Variants in MYCBP2 observed in about 807,000 individuals in gnomAD.
MYCBP2 encodes the protein MYC binding protein 2.
Under a neutral mutation model 525.3 loss-of-function variants are expected in MYCBP2, and 120 were observed. The observed-to-expected ratio is 0.23, with a 90% CI of 0.20 to 0.27. The LOEUF is 0.27. Ranked by LOEUF, MYCBP2 falls within the 10% of genes least tolerant of loss-of-function variation. The pLI is 1.00. For synonymous variants in MYCBP2, 1,894 were observed against 1,955.8 expected, an observed-to-expected ratio of 0.97 and a Z score of 0.83; for missense variants, 4,149 against 5,657.1, an observed-to-expected ratio of 0.73 and a Z score of 8.55.
intron 17 of MYCBP2, among the ~76,000 whole-genome samples, chr13:77,241,440 C>A (rs899329925): frequency 1.3e-5 from 2 of 151,916 alleles, no homozygotes; most frequent in Non-Finnish European, 1.5e-5. Flanking sequence ...TGTCGCTCAA[C>A]CTAATATTTC....
chr13:77,275,179 T>C (rs983223325), intron 4 of MYCBP2, among the ~76,000 whole-genome samples: 2 of 149,520 alleles, frequency 1.3e-5, no homozygotes, highest in Non-Finnish European at 2.9e-5. Flanking sequence ...GGAAAGAAAA[T>C]AGTCAATAGT....
At chr13:77,320,643 T>C (rs2081478271) in intron 1 of MYCBP2, among the ~76,000 whole-genome samples, 1 of 152,026 alleles carries the variant, frequency 6.6e-6, no homozygotes, top group Non-Finnish European at 1.5e-5. Flanking sequence ...AAAGCATACA[T>C]TTACAGAGAT....
intron 1 of MYCBP2, among the ~76,000 whole-genome samples, chr13:77,315,224 T>C (rs891094062): frequency 4.6e-5 from 7 of 152,058 alleles, no homozygotes; most frequent in African/African-American, 1.4e-4. Flanking sequence ...CAAGAAGAAA[T>C]AACAACAATC....
chr13:77,276,979 A>G (rs1404917303), intron 4 of MYCBP2, among the ~76,000 whole-genome samples: 3 of 152,022 alleles, frequency 2.0e-5, no homozygotes, highest in Admixed American at 2.0e-4. Context: ...TTTTGATGGA[A>G]GATAAGACTA....
chr13:77,076,889 C>T (rs2042399114), intron 67 of MYCBP2, 40 bp from the exon 68 acceptor site: 5 of 1,456,890 alleles, frequency 3.4e-6, no homozygotes, highest in Non-Finnish European at 4.8e-6. Flanking sequence ...TAATGACAGG[C>T]ATTAACACTA....
chr13:77,061,196 C>T lies in MYCBP2; in HGVS notation c.13009G>A (p.Ala4337Thr). Reference sequence around the variant, plus strand: ...GTGTGTTCTCGGAATTCCACCATTGCCTTCATTGTTTTAGAATCTGCCAGT... The same window carrying T: ...GTGTGTTCTCGGAATTCCACCATTGTCTTCATTGTTTTAGAATCTGCCAGT... Reference protein sequence around the residue: ...MALADSKTMKAMVEFREHTGK... With the variant: ...MALADSKTMKTMVEFREHTGK... The change falls in exon 76 of 83, where the codon GCA (alanine) becomes ACA (threonine). Residue 4337 changes from alanine to threonine, a missense_variant. Physicochemically the swap from Ala to Thr is moderately conservative, Grantham distance 58. Around this residue, in one of 21 missense-constraint regions of MYCBP2, gnomAD observed 220 missense variants for 396.0 expected, o/e 0.56. Coordinates refer to ENST00000544440, the MANE Select transcript of MYCBP2 (RefSeq NM_015057.5). 6.2e-7 allele frequency: 1 copy of T among 1,608,324 alleles called. No individual in the cohort carries two copies. Among genetic ancestry groups the T allele is most frequent in the South Asian group, 1.1e-5 (1 of 90,026 alleles).
intron 15 of MYCBP2, among the ~76,000 whole-genome samples, chr13:77,246,530 AAGAAGG>A (rs1236762796): frequency 2.7e-5 from 4 of 150,518 alleles, no homozygotes; most frequent in Non-Finnish European, 5.9e-5. Flanking sequence ...GAAGGAGGAA[AAGAAGG>A]AGAAGGAGGA....
In MYCBP2 at chr13:77,275,970, C is replaced by T. The variant is rs566775179; in HGVS notation, c.749-2302G>A. Among the ~76,000 whole-genome samples, 37 of 152,250 alleles carry T rather than the reference C, an allele frequency of 2.4e-4. No homozygotes were observed. The Middle Eastern group carries it at 0.02, about 84-fold the overall frequency. ...CTGCATTCCAGCCTGGGCAACAGAG[C>T]GAGACTCCGTCTCAAAAAACAAAAA... is the stretch of plus-strand genomic sequence containing the variant. On this transcript the variant is annotated intron_variant, in intron 4 of 82. Coordinates refer to ENST00000544440, the MANE Select transcript of MYCBP2 (RefSeq NM_015057.5).
chr13:77,049,525 T>C (rs918731657), intron 82 of MYCBP2, among the ~76,000 whole-genome samples: 9 of 152,340 alleles, frequency 5.9e-5, no homozygotes, highest in African/African-American at 2.2e-4. Context: ...AGTTAATCAA[T>C]AGTATTAGTT....
At chr13:77,148,034 T>G (rs1277504632) in intron 47 of MYCBP2, among the ~76,000 whole-genome samples, 1 of 151,900 alleles carries the variant, frequency 6.6e-6, no homozygotes, top group Non-Finnish European at 1.5e-5. Flanking sequence ...AGCATGTTCA[T>G]AGGAAACTAA....
chr13:77,315,083 A>AAC, intron 1 of MYCBP2, among the ~76,000 whole-genome samples: 1 of 152,342 alleles, frequency 6.6e-6, no homozygotes, highest in East Asian at 1.9e-4. Context: ...ACAAGTTACC[A>AAC]AAATTGACAT....
intron 40 of MYCBP2, among the ~76,000 whole-genome samples, chr13:77,166,909 CTTACT>C (rs1326733477): frequency 6.6e-6 from 1 of 151,130 alleles, no homozygotes; most frequent in Admixed American, 6.6e-5. Context: ...AGCATTCCAA[CTTACT>C]TTAAACACAG....
At chr13:77,167,792 C>T (rs548145743) in intron 40 of MYCBP2, among the ~76,000 whole-genome samples, 2 of 152,264 alleles carry the variant, frequency 1.3e-5, no homozygotes, top group South Asian at 2.1e-4. Context: ...GTTGAAACTG[C>T]TGAATCTGGG....
intron 54 of MYCBP2, among the ~76,000 whole-genome samples, chr13:77,124,264 T>G (rs1396551252): frequency 6.6e-6 from 1 of 152,124 alleles, no homozygotes; most frequent in Admixed American, 6.5e-5. Context: ...ATCACCTACC[T>G]CAAAGGTGTG....
At chr13:77,086,439 A>C (rs1439506153) in intron 62 of MYCBP2, among the ~76,000 whole-genome samples, 1 of 151,934 alleles carries the variant, frequency 6.6e-6, no homozygotes, top group Non-Finnish European at 1.5e-5. Context: ...ATTTGTATTT[A>C]TTCTGCTTGG....
At chr13:77,076,497 T>C (rs1384963350) in intron 68 of MYCBP2, among the ~76,000 whole-genome samples, 1 of 152,138 alleles carries the variant, frequency 6.6e-6, no homozygotes, top group Non-Finnish European at 1.5e-5. Context: ...TGATGGGGTA[T>C]AGCACAGAAA....
At chr13:77,318,568 A>G (rs1050446520) in intron 1 of MYCBP2, among the ~76,000 whole-genome samples, 1 of 152,202 alleles carries the variant, frequency 6.6e-6, no homozygotes, top group Admixed American at 6.5e-5. Flanking sequence ...AGCCTGACCA[A>G]TATGGTGAAA....
At chr13:77,240,608 A>AAAAT (rs1040892014) in intron 17 of MYCBP2, among the ~76,000 whole-genome samples, 5 of 152,264 alleles carry the variant, frequency 3.3e-5, no homozygotes, top group South Asian at 4.1e-4. Flanking sequence ...ACTTCATCTC[A>AAAAT]AAATAAATAA....
chr13:77,279,270 G>C (rs558229790), intron 3 of MYCBP2, among the ~76,000 whole-genome samples: 1 of 152,208 alleles, frequency 6.6e-6, no homozygotes, highest in African/African-American at 2.4e-5. Flanking sequence ...TTCTATAATG[G>C]TACAATCACT....
Sources: gnomAD v4.1 joint callset for allele counts (sites outside exome capture counted in the v4.1 genomes callset) on GRCh38, gnomAD v4.1.1 for gene constraint, gnomAD v4.1.1 regional missense constraint, MANE v1.5 for transcripts, NCBI Gene and HGNC (gene_info 2026-07-23, HGNC 2026-07-21) for gene names.